EXT2: variants seen among roughly 807,000 people sequenced by gnomAD.
EXT2 encodes exostosin-2.
A neutral mutation model predicts 81.6 loss-of-function variants in EXT2; 53 were observed. The ratio of observed to expected loss-of-function variants is 0.65; its 90% CI spans 0.52 to 0.82. The LOEUF (loss-of-function observed/expected upper bound fraction) is 0.82. EXT2 is among the 40% of genes least tolerant of loss of function. The pLI, the probability that EXT2 is intolerant of heterozygous loss-of-function variation, is 0.00. For missense variants in EXT2, 774 were observed against 910.2 expected (o/e 0.85, Z 1.93); for synonymous variants, 320 against 340.0 (o/e 0.94, Z 0.65).
In EXT2 at chr11:44,171,668, C is replaced by T. The variant is rs914948841; in HGVS notation, c.1231C>T (p.Leu411=). 18 of 1,614,048 alleles carry T rather than the reference C, an allele frequency of 1.1e-5. No homozygotes were observed. Among genetic ancestry groups the T allele is most frequent in the Non-Finnish European group, 1.4e-5 (17 of 1,180,016 alleles). The change falls in exon 8 of 14, where the codon CTG becomes TTG. Residue 411 remains leucine (L), a synonymous_variant. Coordinates refer to ENST00000533608, the MANE Select transcript of EXT2 (RefSeq NM_207122.2). The part of the protein sequence containing the change: ...QSIKAIALAT[L]QIINDRIYPY... ...AATTAAAGCCATTGCCCTGGCCACC[C>T]TGCAGATTATCAATGACCGGATCTA...
intron 9 of EXT2, among the ~76,000 whole-genome samples, chr11:44,198,965 AT>A: frequency 6.6e-6 from 1 of 152,344 alleles, no homozygotes; most frequent in East Asian, 1.9e-4. Context: ...CCTTGAGAAA[AT>A]TCTTTAGTTT....
rs79423465 is a variant in EXT2 at position 44,170,769 on chromosome 11, G to C, written c.1174-842G>C. Reference sequence around the variant, plus strand: ...ACAGAAAAACATGCATAATCCTATGGCTATGAAAGAAAATTCATCCATAAT... The same window carrying C: ...ACAGAAAAACATGCATAATCCTATGCCTATGAAAGAAAATTCATCCATAAT... On this transcript the variant is annotated intron_variant, in intron 7 of 13. Coordinates refer to ENST00000533608, the MANE Select transcript of EXT2 (RefSeq NM_207122.2). Among the ~76,000 whole-genome samples the C allele has an allele frequency of 5.5e-3, 828 of 150,688 alleles. 13 individuals carry two copies. The highest frequency in any genetic ancestry group is 0.019 in the African/African-American group (784 of 40,850).
At chr11:44,096,407 A>C in intron 1 of EXT2, 52 of 1,239,262 alleles carry the variant, frequency 4.2e-5, no homozygotes, top group Non-Finnish European at 5.4e-5. Context: ...CGGGAACTAG[A>C]TGGCCGGGGG....
intron 8 of EXT2, among the ~76,000 whole-genome samples, chr11:44,191,402 C>T (rs1474187030): frequency 6.6e-6 from 1 of 152,236 alleles, no homozygotes; most frequent in East Asian, 1.9e-4. Context: ...ATTGCATTGA[C>T]AGCCAAGGTT....
intron 8 of EXT2, among the ~76,000 whole-genome samples, chr11:44,178,526 C>T (rs1955190064): frequency 6.6e-6 from 1 of 152,186 alleles, no homozygotes; most frequent in African/African-American, 2.4e-5. Flanking sequence ...GTGGCCCTCA[C>T]TCACAAAGGT....
chr11:44,182,575 A>G (rs906077491), intron 8 of EXT2, among the ~76,000 whole-genome samples: 2 of 152,092 alleles, frequency 1.3e-5, no homozygotes, highest in Non-Finnish European at 2.9e-5. Context: ...AGATTTCTTA[A>G]ATGTTTCTGT....
chr11:44,133,532 C>CAGCA (rs1954523749), intron 7 of EXT2, among the ~76,000 whole-genome samples: 1 of 152,196 alleles, frequency 6.6e-6, no homozygotes. Flanking sequence ...CAGTTGTAGC[C>CAGCA]AGCAGAGGTC....
intron 1 of EXT2, among the ~76,000 whole-genome samples, chr11:44,107,115 A>T (rs897765123): frequency 7.9e-5 from 12 of 151,934 alleles, no homozygotes; most frequent in African/African-American, 2.9e-4. Context: ...ATGTATATTG[A>T]TAGGGTATAG....
chr11:44,176,917 TA>T (rs1259092833), intron 8 of EXT2, among the ~76,000 whole-genome samples: 1 of 122,994 alleles, frequency 8.1e-6, no homozygotes, highest in African/African-American at 3.2e-5. Flanking sequence ...TGCCTTAGTT[TA>T]ATGTAAAAAA....
At chr11:44,106,378 C>T (rs1954055222) in intron 1 of EXT2, among the ~76,000 whole-genome samples, 1 of 152,024 alleles carries the variant, frequency 6.6e-6, no homozygotes, top group African/African-American at 2.4e-5. Context: ...TTCCATTTAT[C>T]TAAATGCAAC....
At chr11:44,097,745 C>T in intron 1 of EXT2, among the ~76,000 whole-genome samples, 1 of 138,994 alleles carries the variant, frequency 7.2e-6, no homozygotes, top group East Asian at 2.1e-4. Flanking sequence ...AGTGACAGAG[C>T]AAGACTCCAT....
At chr11:44,232,574 A>G in intron 11 of EXT2, 78 bp downstream of exon 11, 1 of 1,565,290 alleles carries the variant, frequency 6.4e-7, no homozygotes, top group African/African-American at 1.4e-5. Context: ...TTAATTTTTC[A>G]TACCTGCCAA....
chr11:44,226,953 T>A (rs1385637962), intron 10 of EXT2, among the ~76,000 whole-genome samples: 1 of 152,190 alleles, frequency 6.6e-6, no homozygotes, highest in East Asian at 1.9e-4. Context: ...CCCAATTCCA[T>A]TTCTCTCACT....
intron 10 of EXT2, among the ~76,000 whole-genome samples, chr11:44,207,931 G>C (rs1040528539): frequency 1.3e-5 from 2 of 151,980 alleles, no homozygotes; most frequent in African/African-American, 4.8e-5. Flanking sequence ...AAAAAATGTA[G>C]CTTCATTTGA....
chr11:44,182,546 A>G (rs1955249837), intron 8 of EXT2, among the ~76,000 whole-genome samples: 1 of 152,174 alleles, frequency 6.6e-6, no homozygotes, highest in South Asian at 2.1e-4. Flanking sequence ...AATTTCTAAA[A>G]ATAGTACACT....
Position 44,108,035 on chromosome 11 carries a change from T to C in EXT2, c.323T>C (p.Ile108Thr). ...CCAAAGAACAAAATCAAGGTGTATATCTATGCTCTGAAAAAGTACGTGGAT... is the reference window on the plus strand; with the variant it reads ...CCAAAGAACAAAATCAAGGTGTATACCTATGCTCTGAAAAAGTACGTGGAT... ...FNPKNKIKVY[I>T]YALKKYVDDF... Residue 108 changes from isoleucine (I) to threonine (T), a missense_variant, in exon 2 of 14, where the codon ATC (isoleucine) becomes ACC (threonine). By Grantham distance (89) the Ile-to-Thr change is moderately conservative. Transcript: ENST00000533608. The C allele has an allele frequency of 6.2e-7, 1 of 1,614,124 alleles. No homozygotes were observed. The highest frequency in any genetic ancestry group is 8.5e-7 in the Non-Finnish European group (1 of 1,180,024).
intron 7 of EXT2, among the ~76,000 whole-genome samples, chr11:44,130,983 G>A (rs1483943109): frequency 6.6e-6 from 1 of 152,230 alleles, no homozygotes; most frequent in Admixed American, 6.5e-5. Context: ...CTTCTGTCTG[G>A]ATGGGGACAG....
chr11:44,166,880 G>C (rs769906752), intron 7 of EXT2, among the ~76,000 whole-genome samples: 3 of 152,162 alleles, frequency 2.0e-5, no homozygotes, highest in Non-Finnish European at 4.4e-5. Context: ...TCTTTCAAAA[G>C]ACTATATTGG....
At chr11:44,138,905 C>T (rs775233493) in intron 7 of EXT2, among the ~76,000 whole-genome samples, 2 of 152,074 alleles carry the variant, frequency 1.3e-5, no homozygotes, top group Non-Finnish European at 2.9e-5. Context: ...CTATGCTGGC[C>T]GTCATTTGGG....
Sources: allele counts gnomAD v4.1 joint callset (sites outside exome capture counted in the v4.1 genomes callset), GRCh38; gene constraint gnomAD v4.1.1; transcripts MANE v1.5; gene names NCBI Gene and HGNC (gene_info 2026-07-23, HGNC 2026-07-21).